The following INTS6 variants were observed in gnomAD, a reference collection of about 807,000 sequenced individuals.
INTS6 encodes DEAD box protein.
A neutral mutation model predicts 104.9 loss-of-function variants in INTS6; 16 were observed. That is an observed-to-expected ratio of 0.15 (90% CI 0.10 to 0.23). The LOEUF is 0.23. Among genes scored for constraint, INTS6 ranks in the 10% least tolerant of loss-of-function variants. INTS6 has a pLI of 1.00. For missense variants in INTS6, 584 were observed against 1,062.8 expected, an observed-to-expected ratio of 0.55 and a Z score of 6.26; for synonymous variants, 324 against 358.7, an observed-to-expected ratio of 0.90 and a Z score of 1.09.
intron 4 of INTS6, among the ~76,000 whole-genome samples, chr13:51,419,897 G>C (rs1281318515): frequency 2.0e-5 from 3 of 152,118 alleles, no homozygotes; most frequent in Non-Finnish European, 4.4e-5. Flanking sequence ...ATACACCAGC[G>C]ATCAGCAAAC....
At chr13:51,376,260 G>A (rs1228165535) in intron 12 of INTS6, 86 bp from the exon 13 acceptor site, 2 of 1,046,472 alleles carry the variant, frequency 1.9e-6, no homozygotes, top group East Asian at 2.7e-5. Context: ...CATAGGTTTG[G>A]AAATAAGATA....
chr13:51,407,392 C>A (rs17837217), intron 4 of INTS6, among the ~76,000 whole-genome samples: 1,730 of 152,280 alleles, frequency 0.011, 26 homozygotes, highest in East Asian at 0.071. Context: ...GAGTAATACA[C>A]TCAAGTGGTA....
Position 51,361,627 on chromosome 13 carries a change from A to G in INTS6, c.*4125T>C, listed in dbSNP as rs980404663. ...ATGGAATGTGTTGAAAACAGGAGAC[A>G]GGATTGGCTAAATGGCATCTTTTCT... On this transcript the variant is annotated 3_prime_UTR_variant, in exon 18 of 18. Transcript: ENST00000311234. 6.6e-6 allele frequency: 4 copies of G among 605,338 alleles called. No individual in the cohort carries two copies. The African/African-American group carries it at 7.5e-5, about 11-fold the overall frequency. 37.5% of individuals were successfully genotyped at this position (605,338 alleles called of 1,614,324 possible).
intron 3 of INTS6, chr13:51,441,187 C>G (rs1033806313): frequency 6.6e-6 from 1 of 151,998 alleles, no homozygotes; most frequent in Non-Finnish European, 1.5e-5. Context: ...CCAGGCACAG[C>G]CAGTTCTAAT....
rs372782734 is a variant in INTS6 at position 51,374,286 on chromosome 13, G to T, written c.2026C>A (p.His676Asn). Residue 676 changes from histidine to asparagine, a missense_variant, in exon 15 of 18, where the codon CAT becomes AAT. This residue lies in a region of INTS6 where 296 missense variants were observed against 437.0 expected (regional missense o/e 0.68). Coordinates refer to ENST00000311234, the MANE Select transcript of INTS6 (RefSeq NM_012141.3). ...GRQQNPVVNN[H>N]IGGKGPPAPT... Reference sequence around the variant, plus strand: ...GCAGGTGGTCCTTTTCCCCCAATATGATTGTTTACAACAGGATTCTGCTGT... The same window carrying T: ...GCAGGTGGTCCTTTTCCCCCAATATTATTGTTTACAACAGGATTCTGCTGT... 4 of 1,614,090 alleles carry T rather than the reference G, an allele frequency of 2.5e-6. No individual in the cohort carries two copies. Among genetic ancestry groups the T allele is most frequent in the Admixed American group, 1.7e-5 (1 of 60,016 alleles).
In INTS6 at chr13:51,389,408, T is replaced by G; in HGVS notation, c.650A>C (p.Asn217Thr). The G allele has an allele frequency of 6.2e-7, 1 of 1,613,084 alleles. No homozygotes were observed. The highest frequency in any genetic ancestry group is 8.5e-7 in the Non-Finnish European group (1 of 1,179,600). ...CTGCACCAAGGACTCCAGACACTGATTAAGCATTCTTGGAGAACACACAGA... is the reference window on the plus strand; with the variant it reads ...CTGCACCAAGGACTCCAGACACTGAGTAAGCATTCTTGGAGAACACACAGA... ...SYSVCSPRML[N>T]QCLESLVQKV... Residue 217 changes from asparagine (N) to threonine (T), a missense_variant, in exon 6 of 18, where the codon AAT becomes ACT. Asn to Thr is a moderately conservative substitution (Grantham distance 65). Coordinates refer to ENST00000311234, the MANE Select transcript of INTS6 (RefSeq NM_012141.3).
downstream of INTS6, among the ~76,000 whole-genome samples, chr13:51,351,373 C>T (rs56734999): frequency 0.021 from 3,153 of 152,100 alleles, 126 homozygotes; most frequent in African/African-American, 0.072. Flanking sequence ...TCATTGTGGA[C>T]TTCATTTGCA....
intron 4 of INTS6, among the ~76,000 whole-genome samples, chr13:51,417,418 T>C (rs572008917): frequency 6.6e-6 from 1 of 152,190 alleles, no homozygotes; most frequent in African/African-American, 2.4e-5. Context: ...TGCATGCATA[T>C]TCAGTTGGCC....
chr13:51,397,343 G>A (rs985904011), intron 4 of INTS6, among the ~76,000 whole-genome samples: 1 of 152,148 alleles, frequency 6.6e-6, no homozygotes, highest in African/African-American at 2.4e-5. Context: ...CATGCCATGA[G>A]AATATGCTGC....
intron 5 of INTS6, among the ~76,000 whole-genome samples, chr13:51,391,428 A>T (rs1956244762): frequency 1.3e-5 from 2 of 152,208 alleles, no homozygotes; most frequent in East Asian, 1.9e-4. Flanking sequence ...GTCATTTGGT[A>T]ATAAAAATCT....
At chr13:51,356,687 C>T (rs1955486734), downstream of INTS6, among the ~76,000 whole-genome samples, 1 of 152,134 alleles carries the variant, frequency 6.6e-6, no homozygotes, top group African/African-American at 2.4e-5. Context: ...CATCATGTAG[C>T]TCCCCTATTG....
chr13:51,391,089 C>T (rs1373742209), intron 5 of INTS6, among the ~76,000 whole-genome samples: 1 of 152,088 alleles, frequency 6.6e-6, no homozygotes, highest in Non-Finnish European at 1.5e-5. Flanking sequence ...TATATGAAGT[C>T]ATGCTTACTT....
At chr13:51,341,429 T>A in the INTS6 span, 1 of 1,273,688 alleles carries the variant, frequency 7.9e-7, no homozygotes, top group Non-Finnish European at 1.1e-6. Flanking sequence ...CTGCTCACAC[T>A]CACACTCACT....
rs767221850 is a variant in INTS6, at chr13:51,374,818, CA to C, written c.1730-23del. On this transcript the variant is annotated intron_variant, in intron 13 of 17. Transcript: ENST00000311234. ...TGATCTTTCAAAAAGAATACAACAGCAAAAAAAGTTAACCTCCAATTAGTTC... is the reference window on the plus strand; with the variant it reads ...TGATCTTTCAAAAAGAATACAACAGCAAAAAAGTTAACCTCCAATTAGTTC... The C allele has an allele frequency of 1.9e-5, 30 of 1,601,282 alleles. No homozygotes were observed. The Admixed American group carries it at 5.0e-4, about 27-fold the overall frequency.
chr13:51,452,688 C>G lies in INTS6; in HGVS notation c.-163G>C. On this transcript the variant is annotated 5_prime_UTR_variant, in exon 1 of 18. Transcript: ENST00000311234. This position sits in a 1 kb window ranked among gnomAD's most constrained non-coding sequence, Gnocchi z 4.2. ...TCCTCCGGCTGCGGGGAGTTTCTCC[C>G]CCGATAGTTGAGAGGAAACTCCCCA... 7.2e-7 allele frequency: 1 copy of G among 1,392,662 alleles called. No individual in the cohort carries two copies. Among genetic ancestry groups the G allele is most frequent in the Non-Finnish European group, 9.3e-7 (1 of 1,073,138 alleles). 86.3% of individuals were successfully genotyped at this position (1,392,662 alleles called of 1,614,324 possible). A position where few individuals can be genotyped will look rare whatever the true frequency, so the allele number is the denominator to read the frequency against.
intron 2 of INTS6, among the ~76,000 whole-genome samples, chr13:51,451,750 CCG>C (rs1430291929): frequency 4.0e-5 from 6 of 150,346 alleles, no homozygotes; most frequent in African/African-American, 1.5e-4. Flanking sequence ...GCCGCCGCTG[CCG>C]GGCCGGGCCG....
At chr13:51,450,955 T>C (rs1320839399) in intron 3 of INTS6, 70 bp downstream of exon 3, 27 of 1,404,118 alleles carry the variant, frequency 1.9e-5, no homozygotes, top group Non-Finnish European at 2.3e-5. Flanking sequence ...GTTATGTAGT[T>C]TTTGGACTGG....
intron 3 of INTS6, chr13:51,450,702 T>TG: frequency 9.9e-7 from 1 of 1,009,948 alleles, no homozygotes; most frequent in African/African-American, 1.7e-5. Flanking sequence ...TAGTTGCACA[T>TG]ACAACATGAG....
At chr13:51,371,076 C>CA (rs2137871371) in intron 15 of INTS6, among the ~76,000 whole-genome samples, 1 of 152,338 alleles carries the variant, frequency 6.6e-6, no homozygotes, top group South Asian at 2.1e-4. Flanking sequence ...GGACAAGCAG[C>CA]AGTACCACCA....
Sources: gnomAD v4.1 joint callset for allele counts (sites outside exome capture counted in the v4.1 genomes callset) on GRCh38, gnomAD v4.1.1 for gene constraint, gnomAD v4.1.1 regional missense constraint, Gnocchi (gnomAD v3.1) non-coding constraint, MANE v1.5 for transcripts, NCBI Gene and HGNC (gene_info 2026-07-23, HGNC 2026-07-21) for gene names.